Variants in SBF2 observed in about 807,000 individuals in gnomAD.
SBF2 encodes the protein SET binding factor 2.
A neutral mutation model predicts 225.2 loss-of-function variants in SBF2; 112 were observed. That is an observed-to-expected ratio of 0.50 (90% confidence interval 0.43 to 0.58). The LOEUF (loss-of-function observed/expected upper bound fraction) is 0.58, where lower values mean the gene tolerates loss of function less well. SBF2 is among the 20% of genes least tolerant of loss of function. The pLI is 0.00. For synonymous variants in SBF2, 763 were observed against 773.3 expected (o/e 0.99, Z 0.22); for missense variants, 1,996 against 2,206.2 (o/e 0.90, Z 1.91).
At chr11:9,943,446 A>T (rs750242239) in intron 16 of SBF2, among the ~76,000 whole-genome samples, 15 of 152,168 alleles carry the variant, frequency 9.9e-5, no homozygotes, top group Non-Finnish European at 1.6e-4. Flanking sequence ...AAAGACAACC[A>T]CAAACTAGGA....
chr11:10,081,952 A>T (rs966497321), intron 2 of SBF2, among the ~76,000 whole-genome samples: 1 of 152,056 alleles, frequency 6.6e-6, no homozygotes, highest in Non-Finnish European at 1.5e-5. Context: ...TAAAAAGTTG[A>T]TACTTAGAAA....
intron 1 of SBF2, 93 bp from the exon 2 acceptor site, chr11:10,194,080 T>TA (rs1384349383): frequency 1.3e-5 from 11 of 878,560 alleles, no homozygotes; most frequent in Non-Finnish European, 2.1e-5. Context: ...GAATATTTGG[T>TA]AAATAAGTTA....
rs147403180 is a variant in SBF2, at chr11:9,812,006, T to C, written c.4155+526A>G. Among the ~76,000 whole-genome samples, 621 of 152,124 alleles carry C rather than the reference T, an allele frequency of 4.1e-3. 6 individuals carry two copies. The highest frequency in any genetic ancestry group is 6.8e-3 in the Non-Finnish European group (459 of 67,992). ...AGTTCAATTAAGAATATCCCAAAGT[T>C]GACTGAACTGAAAGATGATAGACAC... is the stretch of plus-strand genomic sequence containing the variant. On this transcript the variant is annotated intron_variant, in intron 30 of 39. Coordinates refer to ENST00000256190, the MANE Select transcript of SBF2 (RefSeq NM_030962.4).
intron 1 of SBF2, among the ~76,000 whole-genome samples, chr11:10,230,074 T>G (rs1033328999): frequency 2.6e-5 from 4 of 152,172 alleles, no homozygotes; most frequent in Non-Finnish European, 4.4e-5. Flanking sequence ...GTAATGGCCT[T>G]CTTTGTCTCT....
chr11:10,068,016 T>C (rs772015406), intron 2 of SBF2, among the ~76,000 whole-genome samples: 1 of 152,220 alleles, frequency 6.6e-6, no homozygotes, highest in Non-Finnish European at 1.5e-5. Flanking sequence ...GTGTAACTAT[T>C]GTTAGGTGTT....
At chr11:10,215,642 C>T (rs1333672650) in intron 1 of SBF2, among the ~76,000 whole-genome samples, 1 of 148,056 alleles carries the variant, frequency 6.8e-6, no homozygotes, top group Non-Finnish European at 1.5e-5. Context: ...AACAAAAAAC[C>T]ATGTACCTCT....
chr11:10,006,686 G>A (rs535739841), intron 6 of SBF2, among the ~76,000 whole-genome samples: 132 of 152,312 alleles, frequency 8.7e-4, no homozygotes, highest in African/African-American at 3.1e-3. Context: ...GGAAGCATAA[G>A]AAGGCTTTCC....
intron 1 of SBF2, among the ~76,000 whole-genome samples, chr11:10,206,888 G>A (rs1318913864): frequency 6.6e-6 from 1 of 151,918 alleles, no homozygotes; most frequent in Non-Finnish European, 1.5e-5. Flanking sequence ...TCATATCACT[G>A]GAGTCCCAGA....
chr11:10,145,975 T>C (rs1237354507), intron 2 of SBF2, among the ~76,000 whole-genome samples: 1 of 151,796 alleles, frequency 6.6e-6, no homozygotes, highest in Non-Finnish European at 1.5e-5. Context: ...CCATTCACAA[T>C]TGCCAAAAAA....
At chr11:9,858,457 T>C in intron 17 of SBF2, 61 bp from the exon 18 acceptor site, 4 of 1,492,678 alleles carry the variant, frequency 2.7e-6, no homozygotes, top group Middle Eastern at 1.7e-4. Context: ...GTTCATAAGG[T>C]CACAGGGGCC....
chr11:10,129,684 A>T (rs1279219879), intron 2 of SBF2, among the ~76,000 whole-genome samples: 2 of 151,614 alleles, frequency 1.3e-5, no homozygotes, highest in African/African-American at 4.8e-5. Context: ...TATCTTGTGA[A>T]TATTAATTAT....
At chr11:10,300,689 C>T (rs970687395) in intron 1 of SBF2, among the ~76,000 whole-genome samples, 1 of 151,994 alleles carries the variant, frequency 6.6e-6, no homozygotes, top group South Asian at 2.1e-4. Flanking sequence ...ATCATCCATT[C>T]ATTAATGCCA....
intron 17 of SBF2, among the ~76,000 whole-genome samples, chr11:9,880,308 C>T (rs1341103635): frequency 1.3e-5 from 2 of 152,034 alleles, no homozygotes; most frequent in East Asian, 3.9e-4. Flanking sequence ...AAAAATGAAG[C>T]CAACATTTTA....
At chr11:9,847,925 G>C (rs1381998658) in intron 22 of SBF2, among the ~76,000 whole-genome samples, 1 of 152,132 alleles carries the variant, frequency 6.6e-6, no homozygotes, top group African/African-American at 2.4e-5. Context: ...CTGCATGCTA[G>C]CTGGATAGAA....
intron 6 of SBF2, among the ~76,000 whole-genome samples, chr11:10,022,249 A>G (rs1948888000): frequency 6.6e-6 from 1 of 152,192 alleles, no homozygotes; most frequent in Admixed American, 6.5e-5. Context: ...AAACAGGGGA[A>G]AAAAGCATAG....
intron 2 of SBF2, among the ~76,000 whole-genome samples, chr11:10,175,913 C>A (rs1956441449): frequency 6.6e-6 from 1 of 151,756 alleles, no homozygotes; most frequent in Non-Finnish European, 1.5e-5. Flanking sequence ...TGAATGACTA[C>A]TGGGTGCATA....
intron 16 of SBF2, among the ~76,000 whole-genome samples, chr11:9,945,257 C>T (rs1274994299): frequency 6.6e-6 from 1 of 152,094 alleles, no homozygotes; most frequent in African/African-American, 2.4e-5. Context: ...ACACATAGGC[C>T]AATGAGACAG....
chr11:10,003,499 C>T (rs867545198), intron 6 of SBF2, among the ~76,000 whole-genome samples: 1 of 151,902 alleles, frequency 6.6e-6, no homozygotes, highest in South Asian at 2.1e-4. Flanking sequence ...TCCTGAGTAG[C>T]TGGGATTACA....
At chr11:10,294,745 T>C (rs970419203), upstream of SBF2, among the ~76,000 whole-genome samples, 4 of 152,126 alleles carry the variant, frequency 2.6e-5, no homozygotes, top group Admixed American at 2.6e-4. Flanking sequence ...CGGGTTTCAA[T>C]GCCGGGTGGG....
Sources: gnomAD v4.1 joint callset for allele counts (sites outside exome capture counted in the v4.1 genomes callset) on GRCh38, gnomAD v4.1.1 for gene constraint, MANE v1.5 for transcripts, NCBI Gene and HGNC (gene_info 2026-07-23, HGNC 2026-07-21) for gene names.